The following LRRC4C variants were observed in gnomAD, a reference collection of about 807,000 sequenced individuals.
The protein encoded by LRRC4C is leucine rich repeat containing 4C.
Under a neutral mutation model 33.6 loss-of-function variants are expected in LRRC4C, and 5 were observed. That is an observed-to-expected ratio of 0.15 (90% CI 0.08 to 0.31). LRRC4C has a LOEUF of 0.31. Among genes scored for constraint, LRRC4C ranks in the 10% least tolerant of loss-of-function variants. The pLI is 1.00. For missense variants in LRRC4C, 560 were observed against 796.7 expected (o/e 0.70, Z 3.58); for synonymous variants, 329 against 302.0 (o/e 1.09, Z -0.93).
At chr11:40,802,303 G>T (rs951632328) in intron 2 of LRRC4C, among the ~76,000 whole-genome samples, 6 of 151,808 alleles carry the variant, frequency 4.0e-5, no homozygotes, top group Non-Finnish European at 5.9e-5. Context: ...CAGTTTAGTT[G>T]ATTTCCTGCT....
intron 1 of LRRC4C, among the ~76,000 whole-genome samples, chr11:41,037,186 A>C (rs963766905): frequency 1.3e-5 from 2 of 152,062 alleles, no homozygotes; most frequent in Admixed American, 1.3e-4. Context: ...TACTCGTTGC[A>C]TTATAAATTA....
Position 41,269,854 on chromosome 11 carries a change from A to G in LRRC4C, c.-496+189577T>C, listed in dbSNP as rs1180814353. Among the ~76,000 whole-genome samples, 3 of 152,132 alleles carry G rather than the reference A, an allele frequency of 2.0e-5. No homozygotes were observed. The East Asian group carries it at 5.8e-4, about 29-fold the overall frequency. ...AGATTACTGTGTCCATCAAAGGAGG[A>G]CTGTGGCTGAATCATTTTAGCAGGG... is the stretch of plus-strand genomic sequence containing the variant. On this transcript the variant is annotated intron_variant, in intron 1 of 6. Coordinates refer to ENST00000528697, the MANE Select transcript of LRRC4C (RefSeq NM_001258419.2).
intron 1 of LRRC4C, among the ~76,000 whole-genome samples, chr11:41,190,658 GTGTTCGTC>G (rs1945904395): frequency 6.6e-6 from 1 of 152,130 alleles, no homozygotes; most frequent in Non-Finnish European, 1.5e-5. Context: ...GCGTACATTT[GTGTTCGTC>G]TACACTTGCA....
At chr11:40,746,103 T>G (rs1948403618) in intron 2 of LRRC4C, among the ~76,000 whole-genome samples, 1 of 152,144 alleles carries the variant, frequency 6.6e-6, no homozygotes, top group Admixed American at 6.5e-5. Context: ...CAGTCAGGAT[T>G]GGCTGGGAGC....
intron 2 of LRRC4C, among the ~76,000 whole-genome samples, chr11:40,705,819 C>T (rs1037365688): frequency 3.3e-5 from 5 of 152,104 alleles, no homozygotes; most frequent in African/African-American, 1.2e-4. Context: ...TACACTCCCA[C>T]CAACAGTGTA....
chr11:41,231,514 G>A (rs1468753695), intron 1 of LRRC4C, among the ~76,000 whole-genome samples: 1 of 147,644 alleles, frequency 6.8e-6, no homozygotes, highest in Non-Finnish European at 1.5e-5. Flanking sequence ...ACTATCGCAA[G>A]GACAAAAAAC....
At chr11:40,775,426 A>G (rs1479987834) in intron 2 of LRRC4C, among the ~76,000 whole-genome samples, 1 of 143,300 alleles carries the variant, frequency 7.0e-6, no homozygotes, top group Non-Finnish European at 1.6e-5. Context: ...AAAAAAAAAA[A>G]AGTAAATATT....
At chr11:41,037,125 C>G (rs1382021305) in intron 1 of LRRC4C, among the ~76,000 whole-genome samples, 1 of 147,566 alleles carries the variant, frequency 6.8e-6, no homozygotes, top group East Asian at 2.0e-4. Context: ...CCATCAAAGG[C>G]TTTTTTCTCT....
intron 2 of LRRC4C, among the ~76,000 whole-genome samples, chr11:40,828,633 C>A (rs928872478): frequency 2.6e-5 from 4 of 151,730 alleles, no homozygotes. Flanking sequence ...AGAAAACTGA[C>A]AGGAAAAAAA....
intron 3 of LRRC4C, among the ~76,000 whole-genome samples, chr11:40,449,040 A>G (rs1482985447): frequency 6.6e-6 from 1 of 152,164 alleles, no homozygotes; most frequent in Non-Finnish European, 1.5e-5. Context: ...GGCTGCATAA[A>G]TGTCTTCTTT....
chr11:40,238,966 C>G (rs1245547463), intron 5 of LRRC4C, among the ~76,000 whole-genome samples: 1 of 152,106 alleles, frequency 6.6e-6, no homozygotes, highest in Non-Finnish European at 1.5e-5. Flanking sequence ...CATACAAGAC[C>G]TAGGGTATAA....
At chr11:40,821,582 T>C (rs1388192993) in intron 2 of LRRC4C, among the ~76,000 whole-genome samples, 10 of 151,364 alleles carry the variant, frequency 6.6e-5, no homozygotes, top group Admixed American at 5.9e-4. Context: ...ATACAGAGAG[T>C]TCTTATATGG....
chr11:41,029,671 G>A (rs1012349780), intron 1 of LRRC4C, among the ~76,000 whole-genome samples: 2 of 151,786 alleles, frequency 1.3e-5, no homozygotes, highest in Non-Finnish European at 2.9e-5. Flanking sequence ...AGTATCTACT[G>A]TTTGTAGAAC....
At chr11:40,758,951 A>G (rs1202320557) in intron 2 of LRRC4C, among the ~76,000 whole-genome samples, 1 of 151,460 alleles carries the variant, frequency 6.6e-6, no homozygotes, top group African/African-American at 2.4e-5. Flanking sequence ...AATAATCAAT[A>G]TCTCTTTTTC....
intron 3 of LRRC4C, among the ~76,000 whole-genome samples, chr11:40,320,744 G>A (rs576689791): frequency 6.6e-6 from 1 of 152,262 alleles, no homozygotes; most frequent in Non-Finnish European, 1.5e-5. Context: ...TGCCACTAAG[G>A]ACCCTTCCAT....
chr11:41,334,144 T>C (rs140970561), intron 1 of LRRC4C, among the ~76,000 whole-genome samples: 1 of 152,296 alleles, frequency 6.6e-6, no homozygotes, highest in Non-Finnish European at 1.5e-5. Flanking sequence ...TCTAGAAAAC[T>C]TGAGCACTTC....
intron 2 of LRRC4C, among the ~76,000 whole-genome samples, chr11:40,735,508 A>G (rs2136839863): frequency 6.8e-6 from 1 of 147,996 alleles, no homozygotes; most frequent in East Asian, 1.9e-4. Context: ...TTGTGGCTGC[A>G]TAGTATTCCA....
chr11:40,612,416 G>A (rs1961321945), intron 3 of LRRC4C, among the ~76,000 whole-genome samples: 1 of 151,776 alleles, frequency 6.6e-6, no homozygotes, highest in Non-Finnish European at 1.5e-5. Flanking sequence ...ATTGTTCAAT[G>A]GGTACAGAAT....
At chr11:41,316,947 G>A (rs1950814930) in intron 1 of LRRC4C, among the ~76,000 whole-genome samples, 1 of 152,194 alleles carries the variant, frequency 6.6e-6, no homozygotes, top group African/African-American at 2.4e-5. Flanking sequence ...ACTGACTCCT[G>A]TTGTGTGACC....
Sources: allele counts gnomAD v4.1 joint callset (sites outside exome capture counted in the v4.1 genomes callset), GRCh38; gene constraint gnomAD v4.1.1; transcripts MANE v1.5; gene names NCBI Gene and HGNC (gene_info 2026-07-23, HGNC 2026-07-21).